IL20RB: variants seen among roughly 807,000 people sequenced by gnomAD.
IL20RB encodes interleukin 20 receptor subunit beta, also known as interleukin-20 receptor subunit beta.
A neutral mutation model predicts 33.3 loss-of-function variants in IL20RB; 21 were observed. That is an observed-to-expected ratio of 0.63 (90% CI 0.45 to 0.91). IL20RB has a LOEUF of 0.91. IL20RB is among the 40% of genes least tolerant of loss of function. The pLI is 0.00. For synonymous variants in IL20RB, 147 were observed against 146.8 expected, an observed-to-expected ratio of 1.00 and a Z score of -0.01; for missense variants, 345 against 384.8, an observed-to-expected ratio of 0.90 and a Z score of 0.86.
At chr3:136,978,540 T>C (rs977491233) in intron 1 of IL20RB, among the ~76,000 whole-genome samples, 6 of 152,200 alleles carry the variant, frequency 3.9e-5, no homozygotes, top group African/African-American at 1.4e-4. Flanking sequence ...ATATGATTTA[T>C]GATTTTATTC....
intron 1 of IL20RB, among the ~76,000 whole-genome samples, chr3:136,973,462 A>T (rs1400273455): frequency 1.3e-5 from 2 of 151,652 alleles, no homozygotes; most frequent in African/African-American, 4.8e-5. Context: ...AATTGTTGAC[A>T]CTCGTTTTGT....
At chr3:136,978,716 T>C (rs796801146) in intron 1 of IL20RB, among the ~76,000 whole-genome samples, 42 of 152,308 alleles carry the variant, frequency 2.8e-4, no homozygotes, top group African/African-American at 9.4e-4. Flanking sequence ...GTTCATGAGA[T>C]ATATTTTTAT....
intron 1 of IL20RB, among the ~76,000 whole-genome samples, chr3:136,978,396 C>T (rs185488254): frequency 4.5e-4 from 69 of 152,060 alleles, no homozygotes; most frequent in Non-Finnish European, 7.4e-4. Context: ...GAACTCCTGA[C>T]CTCAGCTGAT....
chr3:136,992,200 A>G (rs1006791208), intron 5 of IL20RB, 112 bp downstream of exon 5: 1 of 1,156,176 alleles, frequency 8.6e-7, no homozygotes, highest in South Asian at 1.6e-5. Context: ...GATTTCACTG[A>G]CCTCCCTCAT....
chr3:136,993,049 AAAC>A (rs1392930285), intron 5 of IL20RB, among the ~76,000 whole-genome samples: 2 of 152,200 alleles, frequency 1.3e-5, no homozygotes, highest in Non-Finnish European at 2.9e-5. Flanking sequence ...TTAACAATCC[AAAC>A]AACACCAAAG....
chr3:137,000,065 A>G (rs1942211055), intron 6 of IL20RB, among the ~76,000 whole-genome samples: 1 of 152,208 alleles, frequency 6.6e-6, no homozygotes. Flanking sequence ...ATTTTGGATT[A>G]CAGTCTGGAT....
chr3:136,995,409 T>C lies in IL20RB; in HGVS notation c.683-5T>C. ...TCTAAGCCTGTTTTTATCTTTTGTTTCCAGGAGAGGCCATTCCCCTGGTAC... is the reference window on the plus strand; with the variant it reads ...TCTAAGCCTGTTTTTATCTTTTGTTCCCAGGAGAGGCCATTCCCCTGGTAC... On this transcript the variant is annotated splice_polypyrimidine_tract_variant and splice_region_variant and intron_variant, in intron 5 of 6. Transcript: ENST00000329582. The C allele has an allele frequency of 6.2e-7, 1 of 1,613,864 alleles. No homozygotes were observed. The highest frequency in any genetic ancestry group is 1.1e-5 in the South Asian group (1 of 91,034).
chr3:137,007,366 C>A (rs1560079365), intron 6 of IL20RB, among the ~76,000 whole-genome samples: 1 of 152,180 alleles, frequency 6.6e-6, no homozygotes, highest in East Asian at 1.9e-4. Context: ...TTGTCTGCTG[C>A]CTTTTGTTCA....
In IL20RB at chr3:136,991,918, T is replaced by C. The variant is rs1200555546; in HGVS notation, c.532-20T>C. On this transcript the variant is annotated intron_variant, in intron 4 of 6. Coordinates refer to ENST00000329582, the MANE Select transcript of IL20RB (RefSeq NM_144717.4). ...AGCCACCGCACTTGGCCAATAACTG[T>C]GTTTTCTGGTCTGTCAAAGGAACAT... 1.2e-6 allele frequency: 2 copies of C among 1,611,046 alleles called. No homozygotes were observed. Among genetic ancestry groups the C allele is most frequent in the African/African-American group, 1.3e-5 (1 of 74,992 alleles).
At chr3:136,998,452 G>A (rs1262650119) in intron 6 of IL20RB, among the ~76,000 whole-genome samples, 1 of 151,172 alleles carries the variant, frequency 6.6e-6, no homozygotes, top group Non-Finnish European at 1.5e-5. Flanking sequence ...TCTTTTCTGA[G>A]ATCTTTATTT....
intron 1 of IL20RB, among the ~76,000 whole-genome samples, chr3:136,963,387 T>C (rs949432903): frequency 6.6e-6 from 1 of 152,224 alleles, no homozygotes; most frequent in Non-Finnish European, 1.5e-5. Context: ...AAAAAGAGTA[T>C]CATTTTACAT....
chr3:137,003,538 A>G (rs1449300571), intron 6 of IL20RB, among the ~76,000 whole-genome samples: 4 of 152,302 alleles, frequency 2.6e-5, no homozygotes, highest in Middle Eastern at 3.4e-3. Flanking sequence ...AGCAATGGTG[A>G]ATGGGAGTTC....
intron 1 of IL20RB, among the ~76,000 whole-genome samples, chr3:136,977,455 G>T (rs1941647339): frequency 6.6e-6 from 1 of 151,938 alleles, no homozygotes; most frequent in South Asian, 2.1e-4. Flanking sequence ...AGTATATTTT[G>T]TCAGATTTAC....
rs764587132 is a variant in IL20RB at position 136,995,501 on chromosome 3, T to C, written c.770T>C (p.Met257Thr). Residue 257 changes from methionine to threonine, a missense_variant, in exon 6 of 7, where the codon ATG (methionine) becomes ACG (threonine). Coordinates refer to ENST00000329582, the MANE Select transcript of IL20RB (RefSeq NM_144717.4). Reference protein sequence around the residue: ...LVVVPLFVWKMGRLLQYSCCP... With the variant: ...LVVVPLFVWKTGRLLQYSCCP... ...GTCGTGCCACTGTTCGTCTGGAAAA[T>C]GGGCCGGCTGCTCCAGTACTCCTGT... 19 of 1,614,176 alleles carry C rather than the reference T, an allele frequency of 1.2e-5. No homozygotes were observed. In the South Asian group the frequency reaches 2.1e-4, roughly 18 times the overall value.
chr3:136,967,322 TG>T (rs1241904989), intron 1 of IL20RB, among the ~76,000 whole-genome samples: 1 of 124,984 alleles, frequency 8.0e-6, no homozygotes, highest in Non-Finnish European at 1.7e-5. Flanking sequence ...TATTAATGTG[TG>T]GGAGTCTAAG....
chr3:136,980,956 G>C (rs902131580), intron 2 of IL20RB, among the ~76,000 whole-genome samples: 1 of 152,182 alleles, frequency 6.6e-6, no homozygotes, highest in Non-Finnish European at 1.5e-5. Context: ...CTTATACCTA[G>C]AGCCAAAACG....
chr3:136,962,997 T>C (rs1013734321), intron 1 of IL20RB, among the ~76,000 whole-genome samples: 1 of 152,130 alleles, frequency 6.6e-6, no homozygotes, highest in African/African-American at 2.4e-5. Context: ...TATGTACATA[T>C]GGAGGGCTGA....
chr3:136,998,822 C>G (rs1264639596), intron 6 of IL20RB, among the ~76,000 whole-genome samples: 1 of 152,028 alleles, frequency 6.6e-6, no homozygotes, highest in Non-Finnish European at 1.5e-5. Flanking sequence ...CTGCACCCAG[C>G]TCTTACTACT....
chr3:137,006,698 T>C (rs1170971396), intron 6 of IL20RB, among the ~76,000 whole-genome samples: 1 of 152,206 alleles, frequency 6.6e-6, no homozygotes, highest in East Asian at 1.9e-4. Flanking sequence ...TTTAGCTTAC[T>C]TGTGATGGGT....
Sources: allele counts gnomAD v4.1 joint callset (sites outside exome capture counted in the v4.1 genomes callset), GRCh38; gene constraint gnomAD v4.1.1; transcripts MANE v1.5; gene names NCBI Gene and HGNC (gene_info 2026-07-23, HGNC 2026-07-21).